ZCCHC2: variants seen among roughly 807,000 people sequenced by gnomAD.
ZCCHC2 encodes zinc finger CCHC-type containing 2.
ZCCHC2 carries 39 observed loss-of-function variants against 103.6 expected under a neutral mutation model. That is an observed-to-expected ratio of 0.38 (90% CI 0.29 to 0.49). The LOEUF (loss-of-function observed/expected upper bound fraction) is 0.49, where lower values mean the gene tolerates loss of function less well. ZCCHC2 is among the 20% of genes least tolerant of loss of function. The probability of loss-of-function intolerance (pLI) is 0.96; values close to 1 mark genes in which losing one functional copy is unlikely to be tolerated. For synonymous variants in ZCCHC2, 687 were observed against 608.9 expected, an observed-to-expected ratio of 1.13 and a Z score of -1.89; for missense variants, 1,483 against 1,491.0, an observed-to-expected ratio of 0.99 and a Z score of 0.09.
At chr18:62,584,486 C>G (rs1238994418) in exon 15 of ZCCHC2, 1 of 152,200 alleles carries the variant, frequency 6.6e-6, no homozygotes, top group Non-Finnish European at 1.5e-5. Context: ...CCACCAGCCT[C>G]TCACCAGAAG....
At position 62,524,347 on chromosome 18, in the gene ZCCHC2, C is replaced by T. The variant is rs1219012947; in HGVS notation, c.923C>T (p.Ala308Val). The T allele has an allele frequency of 2.0e-6, 3 of 1,529,070 alleles. No individual in the cohort carries two copies. The highest frequency in any genetic ancestry group is 2.6e-6 in the Non-Finnish European group (3 of 1,138,828). 94.7% of individuals were successfully genotyped at this position (1,529,070 alleles called of 1,614,324 possible). The stretch of plus-strand genomic sequence containing the variant: ...GTGGAGGTAGAGCCGTGCAAGTTTG[C>T]CGGCCCCAGGGCCCAGGTAAGGCGC... Reference protein sequence around the residue: ...AEVEVEPCKFAGPRAQNNSAH... With the variant: ...AEVEVEPCKFVGPRAQNNSAH... The change falls in exon 1 of 14, where the codon GCC (alanine) becomes GTC (valine). Residue 308 changes from alanine to valine, a missense_variant. Transcript: ENST00000269499.
At chr18:62,544,940 CA>C (rs1915349559) in intron 4 of ZCCHC2, 67 bp downstream of exon 4, 18 of 1,238,518 alleles carry the variant, frequency 1.5e-5, no homozygotes, top group Admixed American at 6.5e-5. Flanking sequence ...ACCTCAACGT[CA>C]AAAAAACACC....
downstream of ZCCHC2, among the ~76,000 whole-genome samples, chr18:62,582,605 G>A (rs1917065418): frequency 1.3e-5 from 2 of 152,132 alleles, no homozygotes; most frequent in Non-Finnish European, 2.9e-5. Flanking sequence ...CTTGAACCTG[G>A]GAGGCGGAGG....
chr18:62,532,084 A>G lies in ZCCHC2; in HGVS notation c.940-7597A>G, dbSNP rs150129708. Among the ~76,000 whole-genome samples the G allele has an allele frequency of 3.0e-4, 45 of 152,384 alleles. 1 individual carries two copies. The East Asian group carries it at 8.7e-3, about 29-fold the overall frequency. Reference sequence around the variant, plus strand: ...GGTCATGTTAAAATAATAGGTTGTCAGTAGGTTCCAGTGGGAGCCAGTGAA... The same window carrying G: ...GGTCATGTTAAAATAATAGGTTGTCGGTAGGTTCCAGTGGGAGCCAGTGAA... On this transcript the variant is annotated intron_variant, in intron 1 of 13. Coordinates refer to ENST00000269499, the MANE Select transcript of ZCCHC2 (RefSeq NM_017742.6).
At chr18:62,550,686 T>C (rs1915626812) in intron 5 of ZCCHC2, among the ~76,000 whole-genome samples, 1 of 152,244 alleles carries the variant, frequency 6.6e-6, no homozygotes, top group Non-Finnish European at 1.5e-5. Context: ...TTTAGTTGCT[T>C]CTGAAATATG....
downstream of ZCCHC2, among the ~76,000 whole-genome samples, chr18:62,580,114 G>A (rs979187617): frequency 1.3e-5 from 2 of 152,154 alleles, no homozygotes; most frequent in African/African-American, 4.8e-5. Context: ...AGCTTTATAA[G>A]GGTATCCTTT....
intron 8 of ZCCHC2, among the ~76,000 whole-genome samples, chr18:62,561,151 C>T (rs765761317): frequency 5.3e-4 from 80 of 152,212 alleles, no homozygotes; most frequent in Non-Finnish European, 1.1e-3. Context: ...CATTTTCCTT[C>T]CAACTGAAGA....
chr18:62,536,010 G>A (rs1200644090), intron 1 of ZCCHC2, among the ~76,000 whole-genome samples: 2 of 152,214 alleles, frequency 1.3e-5, no homozygotes, highest in Non-Finnish European at 2.9e-5. Flanking sequence ...CAAGAACCAT[G>A]TAGAATATTG....
At chr18:62,542,837 T>C (rs1033778184) in intron 3 of ZCCHC2, among the ~76,000 whole-genome samples, 2 of 152,212 alleles carry the variant, frequency 1.3e-5, no homozygotes, top group East Asian at 3.8e-4. Context: ...AAGATACATC[T>C]TTAAAAATGC....
At chr18:62,550,278 A>G (rs966005608) in intron 4 of ZCCHC2, 70 bp from the exon 5 acceptor site, 1 of 1,173,372 alleles carries the variant, frequency 8.5e-7, no homozygotes, top group Non-Finnish European at 1.2e-6. Flanking sequence ...CATTTTATGC[A>G]TATAACTTGT....
At chr18:62,584,463 G>A (rs1164834937) in exon 15 of ZCCHC2, 1 of 152,166 alleles carries the variant, frequency 6.6e-6, no homozygotes, top group Admixed American at 6.5e-5. Context: ...TTGAGCCGCT[G>A]TGAAAAAGGC....
chr18:62,574,170 G>A lies in ZCCHC2; in HGVS notation c.2089G>A (p.Gly697Arg), dbSNP rs75483774. 2.2e-4 allele frequency: 349 copies of A among 1,613,986 alleles called. 1 individual carries two copies. In the African/African-American group the frequency reaches 4.0e-3, roughly 18 times the overall value. The change falls in exon 13 of 14, where the codon GGA becomes AGA. Residue 697 changes from glycine to arginine, a missense_variant. By Grantham distance (125) the Gly-to-Arg change is moderately radical. Coordinates refer to ENST00000269499, the MANE Select transcript of ZCCHC2 (RefSeq NM_017742.6). ...VKPPVQIASLGNENGNLLEDP... is the reference protein window; with the variant it reads ...VKPPVQIASLRNENGNLLEDP... ...GCCACCTGTTCAAATTGCTTCACTA[G>A]GAAATGAGAATGGAAACCTTTTAGA...
At chr18:62,575,645 T>C (rs577910937) in intron 13 of ZCCHC2, 95 bp downstream of exon 13, 2 of 1,423,998 alleles carry the variant, frequency 1.4e-6, no homozygotes, top group East Asian at 4.7e-5. Flanking sequence ...AGCAGAAAGA[T>C]CTGTTTGTGT....
chr18:62,527,173 C>A (rs79030424), intron 1 of ZCCHC2, among the ~76,000 whole-genome samples: 1 of 152,084 alleles, frequency 6.6e-6, no homozygotes, highest in Non-Finnish European at 1.5e-5. Flanking sequence ...CTTTTTAATT[C>A]TCTTTTCTAT....
chr18:62,551,575 A>G (rs897803292), intron 5 of ZCCHC2: 3 of 153,092 alleles, frequency 2.0e-5, no homozygotes, highest in African/African-American at 4.8e-5. Context: ...CTGTGCTTGG[A>G]AGACAGGTGC....
chr18:62,569,778 C>T (rs1327713380), intron 11 of ZCCHC2, among the ~76,000 whole-genome samples: 1 of 152,002 alleles, frequency 6.6e-6, no homozygotes, highest in Non-Finnish European at 1.5e-5. Context: ...ATGAATTTTC[C>T]AGCAAGCTCT....
chr18:62,574,273 A>G lies in ZCCHC2; in HGVS notation c.2192A>G (p.Gln731Arg). Reference protein sequence around the residue: ...TLHCVMHNGAQKSEVVVPAPK... With the variant: ...TLHCVMHNGARKSEVVVPAPK... ...CACTGTGTCATGCACAATGGTGCCCAGAAGTCTGAAGTTGTCGTTCCTGCA... is the reference window on the plus strand; with the variant it reads ...CACTGTGTCATGCACAATGGTGCCCGGAAGTCTGAAGTTGTCGTTCCTGCA... Residue 731 changes from glutamine to arginine, a missense_variant, in exon 13 of 14, where the codon CAG (glutamine) becomes CGG (arginine). By Grantham distance (43) the Gln-to-Arg change is conservative (BLOSUM62 1). Transcript: ENST00000269499. 4 of 1,614,086 alleles carry G rather than the reference A, an allele frequency of 2.5e-6. No individual in the cohort carries two copies. In the South Asian group the frequency reaches 4.4e-5, roughly 18 times the overall value.
intron 1 of ZCCHC2, among the ~76,000 whole-genome samples, chr18:62,537,078 T>A (rs1439293785): frequency 6.6e-6 from 1 of 152,190 alleles, no homozygotes; most frequent in East Asian, 1.9e-4. Flanking sequence ...TCATGAGTCA[T>A]CACCTCTGTC....
At position 62,574,367 on chromosome 18, in the gene ZCCHC2, G is replaced by T; in HGVS notation, c.2286G>T (p.Arg762Ser). Residue 762 changes from arginine (R) to serine (S), a missense_variant, in exon 13 of 14, where the codon AGG (arginine) becomes AGT (serine). By Grantham distance (110) the Arg-to-Ser change is moderately radical. This residue lies in a region of ZCCHC2 where 884 missense variants were observed against 907.5 expected (regional missense o/e 0.97). Transcript: ENST00000269499. ...VPSPVAISAI[R>S]ESANSTPVGI... ...GTCCTGTTGCTATTTCTGCAATAAG[G>T]GAGTCTGCAAATTCAACCCCTGTTG... is the stretch of plus-strand genomic sequence containing the variant. The T allele has an allele frequency of 2.0e-5, 33 of 1,613,978 alleles. No homozygotes were observed. Among genetic ancestry groups the T allele is most frequent in the Non-Finnish European group, 2.8e-5 (33 of 1,179,888 alleles).
Sources: gnomAD v4.1 joint callset for allele counts (sites outside exome capture counted in the v4.1 genomes callset) on GRCh38, gnomAD v4.1.1 for gene constraint, gnomAD v4.1.1 regional missense constraint, MANE v1.5 for transcripts, NCBI Gene and HGNC (gene_info 2026-07-23, HGNC 2026-07-21) for gene names.